The following CEP57L1 variants were observed in gnomAD, a reference collection of about 807,000 sequenced individuals.
CEP57L1 encodes the protein centrosomal protein CEP57L1.
CEP57L1 carries 37 observed loss-of-function variants against 61.0 expected under a neutral mutation model. That is an observed-to-expected ratio of 0.61 (90% CI 0.47 to 0.80). The LOEUF (loss-of-function observed/expected upper bound fraction) is 0.80, where lower values mean the gene tolerates loss of function less well. Among genes scored for constraint, CEP57L1 ranks in the 30% least tolerant of loss-of-function variants. The pLI is 0.00. For missense variants in CEP57L1, 422 were observed against 524.7 expected (o/e 0.80, Z 1.91); for synonymous variants, 137 against 162.3 (o/e 0.84, Z 1.19).
intron 1 of CEP57L1, among the ~76,000 whole-genome samples, chr6:109,108,848 A>C (rs1210210347): frequency 6.6e-6 from 1 of 152,216 alleles, no homozygotes; most frequent in Non-Finnish European, 1.5e-5. Context: ...TGATTTGGCT[A>C]TATCATGATT....
At chr6:109,102,702 A>T (rs1237254831) in intron 1 of CEP57L1, among the ~76,000 whole-genome samples, 1 of 151,622 alleles carries the variant, frequency 6.6e-6, no homozygotes, top group Non-Finnish European at 1.5e-5. Context: ...TGTTTTTATT[A>T]AAAAGTTTCT....
chr6:109,162,250 T>G (rs994814408), intron 10 of CEP57L1, among the ~76,000 whole-genome samples: 6 of 152,130 alleles, frequency 3.9e-5, no homozygotes, highest in Non-Finnish European at 5.9e-5. Flanking sequence ...TGCACATGTG[T>G]GTGTATAACT....
chr6:109,134,139 T>A (rs532497711), intron 1 of CEP57L1, among the ~76,000 whole-genome samples: 1 of 152,258 alleles, frequency 6.6e-6, no homozygotes, highest in Admixed American at 6.5e-5. Flanking sequence ...ATATCCCTGA[T>A]GAACATCGAT....
chr6:109,133,167 C>T (rs985844887), intron 1 of CEP57L1, among the ~76,000 whole-genome samples: 7 of 151,838 alleles, frequency 4.6e-5, no homozygotes, highest in Non-Finnish European at 8.8e-5. Flanking sequence ...TCATTTAATC[C>T]TTAGAGCAAT....
chr6:109,149,582 G>T (rs868548056), intron 3 of CEP57L1, among the ~76,000 whole-genome samples: 2,479 of 152,022 alleles, frequency 0.016, 78 homozygotes, highest in African/African-American at 0.057. Flanking sequence ...TTTTGGCTTA[G>T]GATTGACTTG....
chr6:109,106,883 T>A (rs1318714687), intron 1 of CEP57L1, among the ~76,000 whole-genome samples: 1 of 152,192 alleles, frequency 6.6e-6, no homozygotes, highest in Non-Finnish European at 1.5e-5. Context: ...AAGGTTGCAG[T>A]GAGCTGAAAT....
intron 1 of CEP57L1, among the ~76,000 whole-genome samples, chr6:109,124,023 A>G (rs1773267540): frequency 6.6e-6 from 1 of 151,908 alleles, no homozygotes; most frequent in Non-Finnish European, 1.5e-5. Flanking sequence ...GTGAACCAAG[A>G]TCGCACCATT....
chr6:109,098,020 C>T (rs1781919936), intron 1 of CEP57L1, among the ~76,000 whole-genome samples: 1 of 152,320 alleles, frequency 6.6e-6, no homozygotes, highest in South Asian at 2.1e-4. Context: ...GGTAGGAGAA[C>T]ATGTAGGTGA....
intron 1 of CEP57L1, among the ~76,000 whole-genome samples, chr6:109,131,287 T>G (rs1036913096): frequency 2.0e-5 from 3 of 152,182 alleles, no homozygotes; most frequent in Non-Finnish European, 4.4e-5. Context: ...GAATATATAG[T>G]GCCTAAGACC....
chr6:109,096,196 C>T (rs1781689315), intron 1 of CEP57L1, among the ~76,000 whole-genome samples: 2 of 152,336 alleles, frequency 1.3e-5, no homozygotes, highest in East Asian at 1.9e-4. Context: ...GAGGTTTGAA[C>T]GGCCATCAGT....
Position 109,163,609 on chromosome 6 carries a change from A to G in CEP57L1, c.*639A>G, listed in dbSNP as rs924798129. The G allele has an allele frequency of 6.6e-6, 1 of 152,184 alleles. No individual in the cohort carries two copies. The highest frequency in any genetic ancestry group is 1.5e-5 in the Non-Finnish European group (1 of 68,020). The allele number at this position is 152,184 out of a possible 1,614,324, so 9.4% of individuals were successfully genotyped here. ...CTTTTACAAAACTAGTTTTTTTTAA[A>G]AAATCAATGATCAATTTTATCTTAC... On this transcript the variant is annotated 3_prime_UTR_variant, in exon 11 of 11. Transcript: ENST00000517392.
intron 4 of CEP57L1, 98 bp from the exon 5 acceptor site, chr6:109,153,735 T>C: frequency 1.3e-6 from 1 of 751,104 alleles, no homozygotes; most frequent in Non-Finnish European, 2.4e-6. Flanking sequence ...CTTAAGATAT[T>C]TATATTGTGT....
chr6:109,103,777 C>A (rs1770600338), intron 1 of CEP57L1, among the ~76,000 whole-genome samples: 1 of 152,082 alleles, frequency 6.6e-6, no homozygotes, highest in African/African-American at 2.4e-5. Flanking sequence ...TGTGAGCGAG[C>A]TCTAGCAATA....
intron 1 of CEP57L1, among the ~76,000 whole-genome samples, chr6:109,121,123 C>G (rs759529388): frequency 6.6e-6 from 1 of 152,044 alleles, no homozygotes; most frequent in Non-Finnish European, 1.5e-5. Flanking sequence ...GGACCTTCAC[C>G]CACTAAAAAC....
Position 109,146,820 on chromosome 6 carries a change from C to T in CEP57L1, c.223C>T (p.Gln75Ter). The T allele has an allele frequency of 1.2e-6, 2 of 1,609,764 alleles. No homozygotes were observed. Among genetic ancestry groups the T allele is most frequent in the Non-Finnish European group, 8.5e-7 (1 of 1,177,976 alleles). The change falls in exon 3 of 11, where the codon CAA becomes TAA. Residue 75 changes from glutamine to a stop codon, truncating the protein, a stop_gained. Coordinates refer to ENST00000517392, the MANE Select transcript of CEP57L1 (RefSeq NM_001271852.3). LOFTEE classifies it high-confidence loss of function. The stretch of plus-strand genomic sequence containing the variant: ...TCATCGTTTAGAGCTGGAGAGAACA[C>T]AAGCTGAAGATAACCTGAACATTCT... ...KIHRLELERT[Q>*]AEDNLNILSR...
chr6:109,151,067 TA>T (rs889801318), intron 4 of CEP57L1, among the ~76,000 whole-genome samples: 3 of 152,196 alleles, frequency 2.0e-5, no homozygotes, highest in Admixed American at 2.0e-4. Context: ...TAATGCTTTG[TA>T]TGGTTTAAAT....
chr6:109,105,058 C>T (rs778901657), intron 1 of CEP57L1, among the ~76,000 whole-genome samples: 2 of 151,844 alleles, frequency 1.3e-5, no homozygotes, highest in African/African-American at 2.4e-5. Flanking sequence ...TGTTAATTGA[C>T]CTTTGTGTTT....
chr6:109,161,735 TAGA>T (rs1773735706), intron 10 of CEP57L1, among the ~76,000 whole-genome samples: 2 of 152,260 alleles, frequency 1.3e-5, no homozygotes, highest in Admixed American at 6.5e-5. Flanking sequence ...TTGAAAGGAA[TAGA>T]AGAATTATCA....
At position 109,129,091 on chromosome 6, in the gene CEP57L1, T is replaced by G. The variant is rs553120782; in HGVS notation, c.-3-16128T>G. Among the ~76,000 whole-genome samples, 190 of 152,180 alleles carry G rather than the reference T, an allele frequency of 1.2e-3. 1 individual carries two copies. The highest frequency in any genetic ancestry group is 2.1e-4 in the Non-Finnish European group (14 of 67,986). On this transcript the variant is annotated intron_variant, in intron 1 of 10. Transcript: ENST00000517392. ...GGCGGGCGCCTGTAATCCCAGCTACTCGGGAGGCTGAGGCAGCAGAATCGC... is the reference window on the plus strand; with the variant it reads ...GGCGGGCGCCTGTAATCCCAGCTACGCGGGAGGCTGAGGCAGCAGAATCGC...
Sources: allele counts gnomAD v4.1 joint callset (sites outside exome capture counted in the v4.1 genomes callset), GRCh38; gene constraint gnomAD v4.1.1; transcripts MANE v1.5; gene names NCBI Gene and HGNC (gene_info 2026-07-23, HGNC 2026-07-21).